FLNB: variants seen among roughly 807,000 people sequenced by gnomAD.
The protein encoded by FLNB is filamin B.
In FLNB, 111 loss-of-function variants were observed where a neutral mutation model predicts 250.6. The observed-to-expected ratio is 0.44, with a 90% CI of 0.38 to 0.52. The LOEUF (loss-of-function observed/expected upper bound fraction) is 0.52, where lower values mean the gene tolerates loss of function less well. Among genes scored for constraint, FLNB ranks in the 20% least tolerant of loss-of-function variants. The pLI, the probability that FLNB is intolerant of heterozygous loss-of-function variation, is 0.00. For missense variants in FLNB, 2,869 were observed against 3,447.8 expected, an observed-to-expected ratio of 0.83 and a Z score of 4.20; for synonymous variants, 1,302 against 1,372.1, an observed-to-expected ratio of 0.95 and a Z score of 1.13.
At chr3:58,081,089 C>T (rs185211330) in intron 3 of FLNB, among the ~76,000 whole-genome samples, 2 of 152,272 alleles carry the variant, frequency 1.3e-5, no homozygotes, top group East Asian at 1.9e-4. Context: ...GCTACCACGC[C>T]TGGCTTCCCT....
intron 1 of FLNB, among the ~76,000 whole-genome samples, chr3:58,018,962 CAAAAAAAAAAA>C (rs34503609): frequency 1.4e-5 from 1 of 71,402 alleles, no homozygotes; most frequent in Non-Finnish European, 2.7e-5. Flanking sequence ...CACATCTCTA[CAAAAAAAAAAA>C]AAAAAAAAAA....
chr3:58,036,347 C>T (rs1029759683), intron 1 of FLNB, among the ~76,000 whole-genome samples: 1 of 152,196 alleles, frequency 6.6e-6, no homozygotes, highest in Non-Finnish European at 1.5e-5. Flanking sequence ...AAATCAGTCT[C>T]CCGAGCATTT....
At chr3:58,082,255 C>T (rs574811357) in intron 4 of FLNB, among the ~76,000 whole-genome samples, 4 of 152,288 alleles carry the variant, frequency 2.6e-5, no homozygotes, top group South Asian at 2.1e-4. Context: ...GAGGCAGCTG[C>T]GGAACACCGT....
chr3:58,109,393 C>T, intron 14 of FLNB, 71 bp downstream of exon 14: 1 of 1,585,138 alleles, frequency 6.3e-7, no homozygotes, highest in South Asian at 1.1e-5. Flanking sequence ...GGGATCCATG[C>T]CTGACAGCCA....
chr3:58,019,536 A>C (rs1400085656), intron 1 of FLNB, among the ~76,000 whole-genome samples: 1 of 152,234 alleles, frequency 6.6e-6, no homozygotes, highest in Non-Finnish European at 1.5e-5. Context: ...CTCACTTTAC[A>C]GGTCAGGCTT....
At chr3:58,021,974 T>A (rs184724981) in intron 1 of FLNB, among the ~76,000 whole-genome samples, 1 of 152,218 alleles carries the variant, frequency 6.6e-6, no homozygotes, top group Non-Finnish European at 1.5e-5. Flanking sequence ...CGGTTTGCTA[T>A]GTTGCCCAGG....
intron 2 of FLNB, 30 bp downstream of exon 2, chr3:58,077,324 G>T (rs371030523): frequency 3.5e-5 from 56 of 1,611,176 alleles, no homozygotes; most frequent in Non-Finnish European, 4.3e-5. Flanking sequence ...TAAACCATCT[G>T]TCCAGGATGG....
intron 1 of FLNB, among the ~76,000 whole-genome samples, chr3:58,076,752 C>A (rs931073755): frequency 1.3e-5 from 2 of 152,074 alleles, no homozygotes; most frequent in South Asian, 4.1e-4. Flanking sequence ...TGTGCCACTG[C>A]ACCTGGCCAT....
chr3:58,081,354 T>G (rs2097209044), intron 3 of FLNB, among the ~76,000 whole-genome samples: 1 of 152,108 alleles, frequency 6.6e-6, no homozygotes, highest in South Asian at 2.1e-4. Context: ...GAGGAGTAAA[T>G]GGACTTTTGG....
intron 1 of FLNB, among the ~76,000 whole-genome samples, chr3:58,022,301 A>C (rs1464541008): frequency 6.6e-6 from 1 of 152,198 alleles, no homozygotes; most frequent in Non-Finnish European, 1.5e-5. Flanking sequence ...GAAAATGCAA[A>C]ACAGTGGTTC....
rs1221834016 is a variant in FLNB at position 58,077,031 on chromosome 3, T to G, written c.293-15T>G. 2 of 1,613,966 alleles carry G rather than the reference T, an allele frequency of 1.2e-6. No individual in the cohort carries two copies. Among genetic ancestry groups the G allele is most frequent in the Non-Finnish European group, 1.7e-6 (2 of 1,179,976 alleles). On this transcript the variant is annotated splice_polypyrimidine_tract_variant and intron_variant, in intron 1 of 45. Transcript: ENST00000295956. ...TAACCCAAAGGAATGACCAAGCCTGTGCTTCTCTCCCCAGATAGCAAAGCC... is the reference window on the plus strand; with the variant it reads ...TAACCCAAAGGAATGACCAAGCCTGGGCTTCTCTCCCCAGATAGCAAAGCC...
At chr3:58,056,822 C>T (rs896707039) in intron 1 of FLNB, among the ~76,000 whole-genome samples, 1 of 152,130 alleles carries the variant, frequency 6.6e-6, no homozygotes, top group Non-Finnish European at 1.5e-5. Context: ...ATCTCCTGAC[C>T]TCCTGATCTG....
rs9790287 is a variant in FLNB, at chr3:58,133,208, A to G, written c.4514+277A>G. Among the ~76,000 whole-genome samples the G allele has an allele frequency of 0.4, 60,935 of 151,974 alleles. 15,009 individuals are homozygous for G. Among genetic ancestry groups the G allele is most frequent in the East Asian group, 0.97 (5,023 of 5,166 alleles). ...TATTACATAGAACCTGCAACTTGTC[A>G]CCACACACTAGCCTTGATATTTGTG... On this transcript the variant is annotated intron_variant, in intron 26 of 45. Coordinates refer to ENST00000295956, the MANE Select transcript of FLNB (RefSeq NM_001457.4).
chr3:58,034,040 T>C (rs2097134569), intron 1 of FLNB, among the ~76,000 whole-genome samples: 1 of 152,112 alleles, frequency 6.6e-6, no homozygotes, highest in Non-Finnish European at 1.5e-5. Flanking sequence ...TTTGTATTTT[T>C]AGTAGAGACG....
At chr3:58,018,145 A>G (rs1197635961) in intron 1 of FLNB, among the ~76,000 whole-genome samples, 2 of 152,026 alleles carry the variant, frequency 1.3e-5, no homozygotes, top group African/African-American at 2.4e-5. Context: ...GCATTGGTCT[A>G]TCTTACTTAT....
At chr3:58,118,092 CG>C (rs894744015) in intron 18 of FLNB, among the ~76,000 whole-genome samples, 1 of 152,186 alleles carries the variant, frequency 6.6e-6, no homozygotes, top group African/African-American at 2.4e-5. Flanking sequence ...GAGAAGAAGC[CG>C]GCTGTGTGCC....
At chr3:58,012,797 A>G (rs1287784235) in intron 1 of FLNB, among the ~76,000 whole-genome samples, 1 of 152,228 alleles carries the variant, frequency 6.6e-6, no homozygotes, top group Admixed American at 6.5e-5. Flanking sequence ...GGAAGGTATC[A>G]TTGAATGAAT....
At position 58,123,552 on chromosome 3, in the gene FLNB, C is replaced by A; in HGVS notation, c.3586C>A (p.Pro1196Thr). 2 of 1,608,668 alleles carry A rather than the reference C, an allele frequency of 1.2e-6. No individual in the cohort carries two copies. The highest frequency in any genetic ancestry group is 1.7e-6 in the Non-Finnish European group (2 of 1,177,866). Residue 1196 changes from proline to threonine, a missense_variant, in exon 21 of 46, where the codon CCC (proline) becomes ACC (threonine). Physicochemically the swap from Pro to Thr is conservative, Grantham distance 38. This residue lies in a region of FLNB where 1,348 missense variants were observed against 1,466.7 expected (regional missense o/e 0.92). Transcript: ENST00000295956. ...TGGCACCTACGCGGTGACCTACGTG[C>A]CCCTGACGGCCGGCATGTACACGTT... ...KDGTYAVTYV[P>T]LTAGMYTLTM... is the part of the protein sequence containing the mutation.
In FLNB at chr3:58,029,356, A is replaced by G. The variant is rs960571043; in HGVS notation, c.292+20500A>G. Reference sequence around the variant, plus strand: ...CAGAATTAGGCCTCTAAAAAGCCTCATACTGCTAATCTCTGGGAATGAATG... The same window carrying G: ...CAGAATTAGGCCTCTAAAAAGCCTCGTACTGCTAATCTCTGGGAATGAATG... On this transcript the variant is annotated intron_variant, in intron 1 of 45. Coordinates refer to ENST00000295956, the MANE Select transcript of FLNB (RefSeq NM_001457.4). 1.1e-4 allele frequency among the ~76,000 whole-genome samples: 16 copies of G among 152,302 alleles called. 1 individual carries two copies. The highest frequency in any genetic ancestry group is 9.2e-4 in the Admixed American group (14 of 15,292).
Sources: allele counts gnomAD v4.1 joint callset (sites outside exome capture counted in the v4.1 genomes callset), GRCh38; gene constraint gnomAD v4.1.1; regional missense constraint gnomAD v4.1.1; transcripts MANE v1.5; gene names NCBI Gene and HGNC (gene_info 2026-07-23, HGNC 2026-07-21).